Variants in ZFHX3 observed in about 807,000 individuals in gnomAD.
ZFHX3 encodes zinc finger homeobox protein 3.
ZFHX3 carries 42 observed loss-of-function variants against 279.1 expected under a neutral mutation model. The observed-to-expected ratio is 0.15, with a 90% CI of 0.12 to 0.19. ZFHX3 has a LOEUF of 0.19. Ranked by LOEUF, ZFHX3 falls within the 10% of genes least tolerant of loss-of-function variation. The pLI is 1.00. For missense variants in ZFHX3, 4,981 were observed against 4,754.0 expected (o/e 1.05, Z -1.40); for synonymous variants, 2,293 against 1,957.8 (o/e 1.17, Z -4.52).
At chr16:73,845,629 A>C (rs780244282) in intron 1 of ZFHX3, among the ~76,000 whole-genome samples, 1 of 151,880 alleles carries the variant, frequency 6.6e-6, no homozygotes, top group Non-Finnish European at 1.5e-5. Flanking sequence ...CTCTCTTCTG[A>C]TGCTGTGTCA....
chr16:73,202,101 A>T (rs1241513121), intron 5 of ZFHX3, among the ~76,000 whole-genome samples: 2 of 152,172 alleles, frequency 1.3e-5, no homozygotes, highest in Admixed American at 1.3e-4. Context: ...AAATGTAAAG[A>T]TCTCAGCTCA....
rs549836946 is a variant in ZFHX3, at chr16:73,351,784, A to G, written c.-1290-33448T>C. 4.6e-5 allele frequency among the ~76,000 whole-genome samples: 7 copies of G among 152,290 alleles called. No homozygotes were observed. In the East Asian group the frequency reaches 1.4e-3, roughly 29 times the overall value. On this transcript the variant is annotated intron_variant, in intron 3 of 17. Transcript: ENST00000641206. ...ATTACCTCTGGGTCTCCAGCCTTCC[A>G]GGGGGGCAGGTCCATGGGGGTGACC...
chr16:73,146,080 A>T (rs958619291), intron 5 of ZFHX3, among the ~76,000 whole-genome samples: 1 of 152,198 alleles, frequency 6.6e-6, no homozygotes, highest in Non-Finnish European at 1.5e-5. Flanking sequence ...ATTTCCCAAG[A>T]TAGTATGAAT....
At chr16:73,093,948 G>A (rs571818202) in intron 7 of ZFHX3, among the ~76,000 whole-genome samples, 1 of 152,192 alleles carries the variant, frequency 6.6e-6, no homozygotes, top group South Asian at 2.1e-4. Context: ...AGCCGGCATG[G>A]CACGGGTGAG....
intron 1 of ZFHX3, among the ~76,000 whole-genome samples, chr16:73,688,965 G>A (rs1340552038): frequency 6.6e-6 from 1 of 152,130 alleles, no homozygotes; most frequent in Non-Finnish European, 1.5e-5. Flanking sequence ...GTGGAACTGT[G>A]AGTCCATTAA....
intron 1 of ZFHX3, among the ~76,000 whole-genome samples, chr16:73,032,868 A>C (rs987945638): frequency 4.6e-5 from 7 of 152,248 alleles, no homozygotes; most frequent in South Asian, 4.2e-4. Flanking sequence ...TAAGCATATA[A>C]AACCGGAGAG....
chr16:73,674,957 A>G (rs1364139700), intron 2 of ZFHX3, among the ~76,000 whole-genome samples: 1 of 152,164 alleles, frequency 6.6e-6, no homozygotes, highest in Non-Finnish European at 1.5e-5. Flanking sequence ...GCATGTCCTA[A>G]TAAATGATTG....
chr16:73,847,412 C>A (rs1961476902), intron 1 of ZFHX3, among the ~76,000 whole-genome samples: 1 of 152,186 alleles, frequency 6.6e-6, no homozygotes. Flanking sequence ...AAAATGCATT[C>A]CCATGAGAGG....
chr16:73,298,235 A>T (rs9926148), intron 4 of ZFHX3, among the ~76,000 whole-genome samples: 5,297 of 143,192 alleles, frequency 0.037, 379 homozygotes, highest in African/African-American at 0.13. Context: ...TTTTTTTTTT[A>T]TATGGAGCTT....
chr16:72,979,176 C>T (rs186985692), intron 1 of ZFHX3, among the ~76,000 whole-genome samples: 1 of 152,352 alleles, frequency 6.6e-6, no homozygotes, highest in East Asian at 1.9e-4. Flanking sequence ...TAGATTGTGA[C>T]TAATCCACCT....
At chr16:73,378,931 C>CT (rs1409033551) in intron 3 of ZFHX3, among the ~76,000 whole-genome samples, 1 of 152,060 alleles carries the variant, frequency 6.6e-6, no homozygotes, top group African/African-American at 2.4e-5. Context: ...TAAGATTGTC[C>CT]TTTTGGGGGC....
At chr16:73,071,719 A>C (rs1173421924) in intron 8 of ZFHX3, among the ~76,000 whole-genome samples, 1 of 152,270 alleles carries the variant, frequency 6.6e-6, no homozygotes, top group Non-Finnish European at 1.5e-5. Flanking sequence ...ACGTGGGCAC[A>C]GAGCCAGAGC....
intron 3 of ZFHX3, among the ~76,000 whole-genome samples, chr16:72,893,493 A>AC (rs2038821780): frequency 6.6e-6 from 1 of 152,234 alleles, no homozygotes; most frequent in Non-Finnish European, 1.5e-5. Flanking sequence ...GGGTCATAGG[A>AC]CCGTATAAAC....
At chr16:73,715,725 C>T (rs141238459) in intron 1 of ZFHX3, among the ~76,000 whole-genome samples, 3,286 of 152,000 alleles carry the variant, frequency 0.022, 53 homozygotes, top group Middle Eastern at 0.031. Context: ...GTGCCCGCCA[C>T]CATGCCCTGC....
chr16:73,698,440 A>T (rs114335221), intron 1 of ZFHX3, among the ~76,000 whole-genome samples: 2,429 of 152,272 alleles, frequency 0.016, 77 homozygotes, highest in African/African-American at 0.056. Flanking sequence ...TCAAGAACTC[A>T]TAATATTTGA....
chr16:73,503,079 G>C (rs181592597), intron 2 of ZFHX3, among the ~76,000 whole-genome samples: 37 of 152,308 alleles, frequency 2.4e-4, no homozygotes, highest in African/African-American at 7.7e-4. Flanking sequence ...CTCAGGGGCT[G>C]CTCTAATCAG....
chr16:73,202,358 C>G (rs968781412), intron 5 of ZFHX3, among the ~76,000 whole-genome samples: 7 of 152,132 alleles, frequency 4.6e-5, no homozygotes, highest in Non-Finnish European at 1.0e-4. Flanking sequence ...AATAGAATAC[C>G]AATCAAAAGC....
intron 2 of ZFHX3, among the ~76,000 whole-genome samples, chr16:73,645,479 A>G (rs2052610511): frequency 6.6e-6 from 1 of 152,132 alleles, no homozygotes; most frequent in Non-Finnish European, 1.5e-5. Flanking sequence ...GATGGTTTCC[A>G]TCTCCTGACC....
At chr16:73,743,478 TAA>T (rs1048649694) in intron 1 of ZFHX3, among the ~76,000 whole-genome samples, 5 of 152,194 alleles carry the variant, frequency 3.3e-5, no homozygotes, top group African/African-American at 1.2e-4. Context: ...CAAATTTTCC[TAA>T]AAGTCAAAAG....
Sources: gnomAD v4.1 joint callset for allele counts (sites outside exome capture counted in the v4.1 genomes callset) on GRCh38, gnomAD v4.1.1 for gene constraint, MANE v1.5 for transcripts, NCBI Gene and HGNC (gene_info 2026-07-23, HGNC 2026-07-21) for gene names.